Variants in DSCAM observed in about 807,000 individuals in gnomAD.
DSCAM encodes DS cell adhesion molecule.
Under a neutral mutation model 217.7 loss-of-function variants are expected in DSCAM, and 47 were observed. The observed-to-expected ratio is 0.22, with a 90% CI of 0.17 to 0.28. The LOEUF (loss-of-function observed/expected upper bound fraction) is 0.28, where lower values mean the gene tolerates loss of function less well. DSCAM is among the 10% of genes least tolerant of loss of function. The pLI, the probability that DSCAM is intolerant of heterozygous loss-of-function variation, is 1.00. For missense variants in DSCAM, 2,080 were observed against 2,618.3 expected, an observed-to-expected ratio of 0.79 and a Z score of 4.49; for synonymous variants, 1,056 against 1,015.3, an observed-to-expected ratio of 1.04 and a Z score of -0.76.
intron 2 of DSCAM, among the ~76,000 whole-genome samples, chr21:40,702,198 C>T (rs1424051054): frequency 6.6e-6 from 1 of 152,060 alleles, no homozygotes. Flanking sequence ...GCTCTGAGCA[C>T]AGGGGATTTT....
intron 19 of DSCAM, among the ~76,000 whole-genome samples, chr21:40,129,180 C>A (rs576383737): frequency 5.3e-5 from 8 of 152,268 alleles, no homozygotes; most frequent in African/African-American, 1.9e-4. Context: ...CCATGGTAGC[C>A]AGATCCTTCT....
intron 26 of DSCAM, among the ~76,000 whole-genome samples, chr21:40,076,211 TA>T (rs2089363848): frequency 6.6e-6 from 1 of 152,132 alleles, no homozygotes; most frequent in African/African-American, 2.4e-5. Flanking sequence ...CTCCCAACTT[TA>T]AAGTGTTTTT....
chr21:40,597,880 T>C (rs1601776290), intron 3 of DSCAM, among the ~76,000 whole-genome samples: 1 of 152,132 alleles, frequency 6.6e-6, no homozygotes, highest in African/African-American at 2.4e-5. Flanking sequence ...CCATGCACTG[T>C]CCCCTGCCAC....
intron 3 of DSCAM, among the ~76,000 whole-genome samples, chr21:40,561,721 C>T (rs1256943455): frequency 6.6e-6 from 1 of 152,128 alleles, no homozygotes; most frequent in Non-Finnish European, 1.5e-5. Context: ...CTCCCAACGA[C>T]ATGCTTTCAT....
chr21:40,470,303 AGC>A (rs1237870548), intron 3 of DSCAM, among the ~76,000 whole-genome samples: 1 of 152,216 alleles, frequency 6.6e-6, no homozygotes, highest in Non-Finnish European at 1.5e-5. Context: ...TGCAGGAAAA[AGC>A]TATGGAAACA....
chr21:40,485,969 C>A (rs574866293), intron 3 of DSCAM, among the ~76,000 whole-genome samples: 118 of 152,288 alleles, frequency 7.7e-4, no homozygotes, highest in African/African-American at 2.8e-3. Flanking sequence ...ACTGCATATT[C>A]TTTTAACTTG....
chr21:40,262,047 C>T (rs1236160439), intron 11 of DSCAM, among the ~76,000 whole-genome samples: 2 of 151,280 alleles, frequency 1.3e-5, no homozygotes, highest in Admixed American at 1.3e-4. Context: ...CTCTCTCTCC[C>T]TCTCGCTTTC....
At chr21:40,286,505 A>C (rs1168679392) in intron 10 of DSCAM, among the ~76,000 whole-genome samples, 1 of 152,220 alleles carries the variant, frequency 6.6e-6, no homozygotes, top group African/African-American at 2.4e-5. Flanking sequence ...GTATCATCCC[A>C]ACTGGGCCCT....
chr21:40,510,423 G>A (rs1173806939), intron 3 of DSCAM, among the ~76,000 whole-genome samples: 1 of 152,208 alleles, frequency 6.6e-6, no homozygotes, highest in Admixed American at 6.5e-5. Context: ...TGCTCAAAAT[G>A]TTAGTATTGT....
chr21:40,750,343 G>C (rs2146560293), intron 1 of DSCAM, among the ~76,000 whole-genome samples: 1 of 152,286 alleles, frequency 6.6e-6, no homozygotes, highest in South Asian at 2.1e-4. Flanking sequence ...TTTTGCTGTA[G>C]CAGTGATAAT....
Position 40,845,540 on chromosome 21 carries a change from CCTCTCTCT to C in DSCAM, c.43+1071_43+1078del, listed in dbSNP as rs71332310. 7.6e-4 allele frequency among the ~76,000 whole-genome samples: 106 copies of C among 138,982 alleles called. No homozygotes were observed. The Middle Eastern group carries it at 0.01, about 14-fold the overall frequency. 91.2% of individuals were successfully genotyped at this position (138,982 alleles called of 152,430 possible). A position where few individuals can be genotyped will look rare whatever the true frequency, so the allele number is the denominator to read the frequency against. ...CTCTTCTTTTACCTTCTCTTCTTCTCCTCTCTCTCTCTCTCTCTCTCTCTCTCTCTGTC... is the reference window on the plus strand; with the variant it reads ...CTCTTCTTTTACCTTCTCTTCTTCTCCTCTCTCTCTCTCTCTCTCTCTGTC... On this transcript the variant is annotated intron_variant, in intron 1 of 32. Transcript: ENST00000400454.
intron 19 of DSCAM, among the ~76,000 whole-genome samples, chr21:40,132,127 A>G (rs1388936218): frequency 6.6e-6 from 1 of 152,238 alleles, no homozygotes; most frequent in Non-Finnish European, 1.5e-5. Flanking sequence ...TGTAAAAAGG[A>G]GTATTTCACC....
intron 1 of DSCAM, among the ~76,000 whole-genome samples, chr21:40,715,801 A>AT (rs577942915): frequency 1.5e-4 from 23 of 151,898 alleles, no homozygotes; most frequent in East Asian, 1.9e-4. Flanking sequence ...GGATTCTTTT[A>AT]TTTTTTTTCC....
At chr21:40,461,767 G>C (rs1030813903) in intron 3 of DSCAM, among the ~76,000 whole-genome samples, 4 of 152,140 alleles carry the variant, frequency 2.6e-5, no homozygotes, top group African/African-American at 7.2e-5. Flanking sequence ...CAGAGCCGGC[G>C]ATGCAATGTG....
intron 3 of DSCAM, among the ~76,000 whole-genome samples, chr21:40,416,162 G>T (rs1334669051): frequency 6.6e-6 from 1 of 152,018 alleles, no homozygotes; most frequent in African/African-American, 2.4e-5. Flanking sequence ...TTGATTTAAC[G>T]CTCTGCTTCA....
chr21:40,438,528 C>T (rs907623492), intron 3 of DSCAM, among the ~76,000 whole-genome samples: 1 of 152,196 alleles, frequency 6.6e-6, no homozygotes, highest in Admixed American at 6.5e-5. Context: ...CAAATTGAAT[C>T]TTGCAATCAT....
intron 1 of DSCAM, among the ~76,000 whole-genome samples, chr21:40,815,999 C>G (rs984661522): frequency 3.4e-4 from 51 of 152,146 alleles, no homozygotes; most frequent in African/African-American, 1.0e-3. Flanking sequence ...GGCTGACATC[C>G]CTGAGATCCC....
At chr21:40,142,781 T>A in intron 17 of DSCAM, 77 bp from the exon 18 acceptor site, 1 of 1,502,950 alleles carries the variant, frequency 6.7e-7, no homozygotes, top group Non-Finnish European at 8.9e-7. Flanking sequence ...AGCAACGTAT[T>A]TTAATATTTC....
At chr21:40,634,792 A>ATGTCT (rs2089734769) in intron 3 of DSCAM, among the ~76,000 whole-genome samples, 1 of 152,218 alleles carries the variant, frequency 6.6e-6, no homozygotes, top group Admixed American at 6.5e-5. Context: ...GAGCGAGAAG[A>ATGTCT]AAGGGTGTCT....
Sources: allele counts gnomAD v4.1 joint callset (sites outside exome capture counted in the v4.1 genomes callset), GRCh38; gene constraint gnomAD v4.1.1; transcripts MANE v1.5; gene names NCBI Gene and HGNC (gene_info 2026-07-23, HGNC 2026-07-21).